Variants in GRID2 observed in about 807,000 individuals in gnomAD.
The protein encoded by GRID2 is glutamate receptor ionotropic, delta-2.
GRID2 carries 33 observed loss-of-function variants against 114.8 expected under a neutral mutation model. That is an observed-to-expected ratio of 0.29 (90% CI 0.22 to 0.38). The LOEUF (loss-of-function observed/expected upper bound fraction) is 0.38. Ranked by LOEUF, GRID2 falls within the 10% of genes least tolerant of loss-of-function variation. GRID2 has a pLI of 1.00. For synonymous variants in GRID2, 505 were observed against 449.9 expected, an observed-to-expected ratio of 1.12 and a Z score of -1.55; for missense variants, 1,184 against 1,257.7, an observed-to-expected ratio of 0.94 and a Z score of 0.89.
intron 1 of GRID2, among the ~76,000 whole-genome samples, chr4:92,581,263 A>G (rs1041920111): frequency 6.6e-6 from 1 of 151,698 alleles, no homozygotes; most frequent in African/African-American, 2.4e-5. Context: ...ATTCCTATTC[A>G]AAGAATTGAT....
chr4:92,641,776 C>T (rs554144297), intron 2 of GRID2, among the ~76,000 whole-genome samples: 115 of 151,718 alleles, frequency 7.6e-4, no homozygotes, highest in South Asian at 6.0e-3. Context: ...CTTTACGATG[C>T]ATGCCCCCTC....
At chr4:93,715,705 A>T (rs1578643986) in intron 14 of GRID2, among the ~76,000 whole-genome samples, 1 of 152,070 alleles carries the variant, frequency 6.6e-6, no homozygotes, top group Non-Finnish European at 1.5e-5. Flanking sequence ...TGTGAATGGG[A>T]GTTCATTCAT....
intron 14 of GRID2, among the ~76,000 whole-genome samples, chr4:93,733,255 T>C (rs1730643584): frequency 6.6e-6 from 1 of 152,136 alleles, no homozygotes; most frequent in Non-Finnish European, 1.5e-5. Context: ...TCATGTGCTT[T>C]TATATATCCT....
At chr4:93,339,504 C>T (rs1275184401) in intron 8 of GRID2, among the ~76,000 whole-genome samples, 7 of 152,084 alleles carry the variant, frequency 4.6e-5, no homozygotes, top group Non-Finnish European at 1.0e-4. Flanking sequence ...AAAGGGTTCC[C>T]CTGCAGGTTT....
rs185502321 is a variant in GRID2 at position 92,676,168 on chromosome 4, C to G, written c.244+85882C>G. Among the ~76,000 whole-genome samples, 878 of 95,730 alleles carry G rather than the reference C, an allele frequency of 9.2e-3. 35 individuals carry two copies. Among genetic ancestry groups the G allele is most frequent in the African/African-American group, 0.033 (802 of 24,532 alleles). 62.8% of individuals were successfully genotyped at this position (95,730 alleles called of 152,430 possible). ...ATTGTCGTGTCAAGCCCCCCCCCCC[C>G]CCTTTTTTTTTTGTGGTTGTTTTTG... On this transcript the variant is annotated intron_variant, in intron 2 of 15. Coordinates refer to ENST00000282020, the MANE Select transcript of GRID2 (RefSeq NM_001510.4).
chr4:93,657,864 A>G (rs1183221085), intron 14 of GRID2, among the ~76,000 whole-genome samples: 2 of 152,200 alleles, frequency 1.3e-5, no homozygotes, highest in African/African-American at 4.8e-5. Context: ...GTAGAACCCA[A>G]TACAGCTGCC....
At chr4:93,554,558 C>T (rs1734115982) in intron 13 of GRID2, among the ~76,000 whole-genome samples, 1 of 152,090 alleles carries the variant, frequency 6.6e-6, no homozygotes, top group African/African-American at 2.4e-5. Context: ...GTGAAGCCAT[C>T]ACCTCAAGCA....
intron 1 of GRID2, among the ~76,000 whole-genome samples, chr4:93,796,764 G>A (rs532920425): frequency 2.0e-5 from 3 of 152,210 alleles, no homozygotes; most frequent in African/African-American, 7.2e-5. Flanking sequence ...TGGCCAGGCT[G>A]GTCTCAAACT....
intron 8 of GRID2, among the ~76,000 whole-genome samples, chr4:93,241,622 G>C (rs778538808): frequency 2.6e-5 from 4 of 151,790 alleles, no homozygotes; most frequent in Non-Finnish European, 5.9e-5. Flanking sequence ...GCCTAAAGCT[G>C]TCCTTTCTGT....
chr4:92,473,355 C>T (rs1475747007), intron 1 of GRID2, among the ~76,000 whole-genome samples: 1 of 152,006 alleles, frequency 6.6e-6, no homozygotes, highest in Non-Finnish European at 1.5e-5. Flanking sequence ...TCTTACACAT[C>T]GGTCGTCTTA....
chr4:93,432,806 A>G (rs963804852), intron 10 of GRID2, among the ~76,000 whole-genome samples: 1 of 152,184 alleles, frequency 6.6e-6, no homozygotes, highest in African/African-American at 2.4e-5. Context: ...TCATGCCTGT[A>G]ATCCCAACAC....
chr4:92,756,938 A>C (rs1165456632), intron 2 of GRID2, among the ~76,000 whole-genome samples: 1 of 152,028 alleles, frequency 6.6e-6, no homozygotes, highest in African/African-American at 2.4e-5. Flanking sequence ...CTTGCTGTGC[A>C]GAAGGTTTTT....
At chr4:92,490,606 A>G (rs7686115) in intron 1 of GRID2, among the ~76,000 whole-genome samples, 7,893 of 152,282 alleles carry the variant, frequency 0.052, 260 homozygotes, top group East Asian at 0.083. Context: ...ATATTGAAGA[A>G]GTAGTGTGGA....
intron 13 of GRID2, among the ~76,000 whole-genome samples, chr4:93,523,010 C>G (rs1730487665): frequency 6.6e-6 from 1 of 152,012 alleles, no homozygotes; most frequent in African/African-American, 2.4e-5. Flanking sequence ...AGGAGTGTTG[C>G]AGGGTCAGTT....
rs562835486 is a variant in GRID2 at position 92,504,492 on chromosome 4, C to T, written c.89-85639C>T. 2.0e-5 allele frequency among the ~76,000 whole-genome samples: 3 copies of T among 152,102 alleles called. No homozygotes were observed. The South Asian group carries it at 6.2e-4, about 32-fold the overall frequency. On this transcript the variant is annotated intron_variant, in intron 1 of 15. Transcript: ENST00000282020. The stretch of plus-strand genomic sequence containing the variant: ...AGATTGACTCCAGAAGAGAATGGAC[C>T]AATTGTATTTGGAGTTCCTGTACCT...
At position 92,621,484 on chromosome 4, in the gene GRID2, A is replaced by G. The variant is rs536349772; in HGVS notation, c.244+31198A>G. On this transcript the variant is annotated intron_variant, in intron 2 of 15. Coordinates refer to ENST00000282020, the MANE Select transcript of GRID2 (RefSeq NM_001510.4). ...GTGTGGTTATTTTAACTGTGATGGG[A>G]TGTTGCTTGGATCAGGTGTATAAAA... Among the ~76,000 whole-genome samples the G allele has an allele frequency of 2.4e-4, 36 of 151,884 alleles. 1 individual carries two copies. Among genetic ancestry groups the G allele is most frequent in the Middle Eastern group, 3.4e-3 (1 of 294 alleles).
intron 7 of GRID2, among the ~76,000 whole-genome samples, chr4:93,226,138 C>T (rs574166591): frequency 6.6e-6 from 1 of 152,274 alleles, no homozygotes; most frequent in South Asian, 2.1e-4. Flanking sequence ...CCTTTGACCC[C>T]CAATATTCAC....
At chr4:92,446,241 C>G (rs373284790) in intron 1 of GRID2, among the ~76,000 whole-genome samples, 3 of 152,176 alleles carry the variant, frequency 2.0e-5, no homozygotes, top group African/African-American at 7.2e-5. Flanking sequence ...GCCTCCACAC[C>G]TGGCTTTATC....
At position 93,590,018 on chromosome 4, in the gene GRID2, A is replaced by C. The variant is rs1487962971; in HGVS notation, c.2194-36251A>C. Among the ~76,000 whole-genome samples, 6 of 150,422 alleles carry C rather than the reference A, an allele frequency of 4.0e-5. No homozygotes were observed. The East Asian group carries it at 9.7e-4, about 24-fold the overall frequency. On this transcript the variant is annotated intron_variant, in intron 13 of 15. Coordinates refer to ENST00000282020, the MANE Select transcript of GRID2 (RefSeq NM_001510.4). ...TTTTGTAGGTTGCCTGTTCACTCTG[A>C]TGGTAGTTTCTTTTGCTGTGCAGAA...
Sources: gnomAD v4.1 joint callset for allele counts (sites outside exome capture counted in the v4.1 genomes callset) on GRCh38, gnomAD v4.1.1 for gene constraint, MANE v1.5 for transcripts, NCBI Gene and HGNC (gene_info 2026-07-23, HGNC 2026-07-21) for gene names.